The following LRRC40 variants were observed in gnomAD, a reference collection of about 807,000 sequenced individuals.
LRRC40 encodes leucine rich repeat containing 40.
In LRRC40, 76 loss-of-function variants were observed where a neutral mutation model predicts 72.8. The observed-to-expected ratio is 1.04, with a 90% CI of 0.87 to 1.26. LRRC40 has a LOEUF of 1.26. LRRC40 is among the 50% of genes most tolerant of loss of function. LRRC40 has a pLI of 0.00. For missense variants in LRRC40, 684 were observed against 698.9 expected (o/e 0.98, Z 0.24); for synonymous variants, 243 against 254.2 (o/e 0.96, Z 0.42).
chr1:70,202,735 C>T (rs1445061685), intron 1 of LRRC40, among the ~76,000 whole-genome samples: 1 of 152,038 alleles, frequency 6.6e-6, no homozygotes, highest in African/African-American at 2.4e-5. Context: ...AATAAATGTA[C>T]TACATTAATG....
chr1:70,173,617 C>T lies in LRRC40; in HGVS notation c.1065+5G>A. 3 of 1,543,720 alleles carry T rather than the reference C, an allele frequency of 1.9e-6. No homozygotes were observed. Among genetic ancestry groups the T allele is most frequent in the Non-Finnish European group, 2.7e-6 (3 of 1,126,648 alleles). ...AACAAAGAGCTGAATTCCAAATATA[C>T]TTACACTTATAATTTCTCTTCGAAT... On this transcript the variant is annotated splice_donor_5th_base_variant and intron_variant, in intron 8 of 14. Transcript: ENST00000370952.
intron 1 of LRRC40, among the ~76,000 whole-genome samples, chr1:70,190,438 T>TGG (rs952903122): frequency 6.6e-6 from 1 of 151,600 alleles, no homozygotes; most frequent in Admixed American, 6.6e-5. Context: ...CCCTGCACTT[T>TGG]GGGAGGCTAA....
At chr1:70,146,955 G>C (rs1200452125) in intron 14 of LRRC40, 1 of 151,522 alleles carries the variant, frequency 6.6e-6, no homozygotes, top group Non-Finnish European at 1.5e-5. Flanking sequence ...CCATATTGTT[G>C]ATCTAAATTA....
At chr1:70,157,274 T>C (rs1667659392) in intron 10 of LRRC40, among the ~76,000 whole-genome samples, 1 of 152,190 alleles carries the variant, frequency 6.6e-6, no homozygotes, top group Non-Finnish European at 1.5e-5. Flanking sequence ...CAATCACAAA[T>C]GCTCAAGTTC....
chr1:70,165,056 A>G (rs944518939), intron 9 of LRRC40, among the ~76,000 whole-genome samples: 1 of 152,250 alleles, frequency 6.6e-6, no homozygotes, highest in Non-Finnish European at 1.5e-5. Flanking sequence ...TATTATCTGC[A>G]TTCTACAGAT....
At chr1:70,171,067 T>C (rs1326283032) in intron 9 of LRRC40, among the ~76,000 whole-genome samples, 4 of 152,062 alleles carry the variant, frequency 2.6e-5, no homozygotes, top group Non-Finnish European at 5.9e-5. Flanking sequence ...TTATAGTCAG[T>C]TGATTTTTTA....
At chr1:70,183,772 T>G (rs1668300744) in intron 4 of LRRC40, among the ~76,000 whole-genome samples, 2 of 152,074 alleles carry the variant, frequency 1.3e-5, no homozygotes, top group Admixed American at 1.3e-4. Flanking sequence ...CAGGCTGGTC[T>G]CGAACTCCTG....
At chr1:70,154,362 TAGTG>T (rs1667589876) in intron 11 of LRRC40, among the ~76,000 whole-genome samples, 1 of 152,182 alleles carries the variant, frequency 6.6e-6, no homozygotes, top group South Asian at 2.1e-4. Context: ...AAGAGCCAGA[TAGTG>T]AGATAAAATG....
In LRRC40 at chr1:70,173,615, TACTTAC is replaced by T; in HGVS notation, c.1065+1_1065+6del. On this transcript the variant is annotated splice_donor_variant and splice_donor_5th_base_variant and intron_variant, in intron 8 of 14. Transcript: ENST00000370952. LOFTEE classifies it high-confidence loss of function. ...TTAACAAAGAGCTGAATTCCAAATA[TACTTAC>T]ACTTATAATTTCTCTTCGAATTGTT... 1 of 1,537,062 alleles carries T rather than the reference TACTTAC, an allele frequency of 6.5e-7. No homozygotes were observed. Among genetic ancestry groups the T allele is most frequent in the East Asian group, 2.3e-5 (1 of 44,214 alleles).
chr1:70,179,679 G>A (rs1668198922), intron 5 of LRRC40, among the ~76,000 whole-genome samples: 1 of 151,972 alleles, frequency 6.6e-6, no homozygotes, highest in African/African-American at 2.4e-5. Context: ...AACTTAAGTT[G>A]AGATGTTCCT....
intron 9 of LRRC40, among the ~76,000 whole-genome samples, chr1:70,166,509 T>C (rs1667882465): frequency 6.6e-6 from 1 of 151,828 alleles, no homozygotes; most frequent in Non-Finnish European, 1.5e-5. Flanking sequence ...AAAATAAAAA[T>C]AGCCTGGTGT....
chr1:70,192,271 G>C (rs1053251275), intron 1 of LRRC40, among the ~76,000 whole-genome samples: 1 of 151,904 alleles, frequency 6.6e-6, no homozygotes, highest in Admixed American at 6.6e-5. Context: ...CCTCTGCTTG[G>C]CTGTTGTTGG....
intron 5 of LRRC40, among the ~76,000 whole-genome samples, chr1:70,179,228 G>T (rs561166175): frequency 6.6e-6 from 1 of 152,086 alleles, no homozygotes; most frequent in Admixed American, 6.6e-5. Flanking sequence ...GTGCTGTAAT[G>T]CCAGCACTTT....
intron 14 of LRRC40, 50 bp from the exon 15 acceptor site, chr1:70,145,955 T>G: frequency 1.2e-6 from 1 of 851,860 alleles, no homozygotes; most frequent in East Asian, 2.6e-5. Flanking sequence ...ATTAACAAGG[T>G]TTTTCATCTA....
chr1:70,178,884 A>G lies in LRRC40; in HGVS notation c.771T>C (p.Phe257=), dbSNP rs768051355. ...LLYLRRNKLR[F]LPEFPSCSLL... ...GACTACAAGAAGGAAATTCTGGTAG[A>G]AAACGTAATTTATTCCTCCGCAAAT... The change falls in exon 6 of 15, where the codon TTT becomes TTC. Residue 257 remains phenylalanine (F), a synonymous_variant. Coordinates refer to ENST00000370952, the MANE Select transcript of LRRC40 (RefSeq NM_017768.5). 1 of 1,598,098 alleles carries G rather than the reference A, an allele frequency of 6.3e-7. No individual in the cohort carries two copies. Among genetic ancestry groups the G allele is most frequent in the Non-Finnish European group, 8.6e-7 (1 of 1,168,772 alleles).
chr1:70,146,307 G>A (rs1667291340), intron 14 of LRRC40, among the ~76,000 whole-genome samples: 2 of 152,108 alleles, frequency 1.3e-5, no homozygotes, highest in South Asian at 4.1e-4. Context: ...TTACAGGAGT[G>A]AACCACCATG....
chr1:70,170,932 A>G (rs1176478383), intron 9 of LRRC40, among the ~76,000 whole-genome samples: 1 of 152,198 alleles, frequency 6.6e-6, no homozygotes, highest in Non-Finnish European at 1.5e-5. Flanking sequence ...GGAGCCCTCA[A>G]TCTTCCTGAT....
At chr1:70,175,006 G>A (rs1413668424) in intron 7 of LRRC40, among the ~76,000 whole-genome samples, 1 of 151,930 alleles carries the variant, frequency 6.6e-6, no homozygotes, top group Non-Finnish European at 1.5e-5. Flanking sequence ...TATGAGAGTA[G>A]AAATATAGAC....
intron 11 of LRRC40, among the ~76,000 whole-genome samples, chr1:70,153,972 C>CAAAAAAA (rs1042976831): frequency 3.4e-5 from 2 of 58,184 alleles, no homozygotes; most frequent in Non-Finnish European, 6.8e-5. Flanking sequence ...GATCCTGTCT[C>CAAAAAAA]AAAAAAAAAA....
Sources: gnomAD v4.1 joint callset for allele counts (sites outside exome capture counted in the v4.1 genomes callset) on GRCh38, gnomAD v4.1.1 for gene constraint, MANE v1.5 for transcripts, NCBI Gene and HGNC (gene_info 2026-07-23, HGNC 2026-07-21) for gene names.